B3GALT1: variants seen among roughly 807,000 people sequenced by gnomAD.
B3GALT1 encodes beta-1,3-galactosyltransferase 1.
In B3GALT1, 10 loss-of-function variants were observed where a neutral mutation model predicts 23.2. That is an observed-to-expected ratio of 0.43 (90% CI 0.27 to 0.73). The LOEUF is 0.73. B3GALT1 is among the 30% of genes least tolerant of loss of function. The probability of loss-of-function intolerance (pLI) is 0.21; values close to 1 mark genes in which losing one functional copy is unlikely to be tolerated. For synonymous variants in B3GALT1, 156 were observed against 141.5 expected, an observed-to-expected ratio of 1.10 and a Z score of -0.73; for missense variants, 299 against 405.4, an observed-to-expected ratio of 0.74 and a Z score of 2.25.
chr2:167,447,314 C>G (rs1008756711), intron 1 of B3GALT1, among the ~76,000 whole-genome samples: 1 of 152,190 alleles, frequency 6.6e-6, no homozygotes, highest in Non-Finnish European at 1.5e-5. Flanking sequence ...GGGTCAGGGA[C>G]CCACTTGAGG....
At chr2:167,832,494 A>T (rs955535225) in intron 4 of B3GALT1, among the ~76,000 whole-genome samples, 6 of 152,212 alleles carry the variant, frequency 3.9e-5, no homozygotes, top group African/African-American at 1.4e-4. Flanking sequence ...ATCCAAAGTT[A>T]TGAGAATCTC....
chr2:167,805,977 A>C (rs1688744440), intron 3 of B3GALT1, among the ~76,000 whole-genome samples: 2 of 141,664 alleles, frequency 1.4e-5, no homozygotes, highest in South Asian at 4.2e-4. Flanking sequence ...ATGTTCTTCC[A>C]TTTGTTTGTA....
rs564602573 is a variant in B3GALT1 at position 167,411,094 on chromosome 2, A to C, written c.-510-79083A>C. Among the ~76,000 whole-genome samples the C allele has an allele frequency of 2.3e-4, 35 of 152,218 alleles. 1 individual carries two copies. The South Asian group carries it at 6.4e-3, about 28-fold the overall frequency. On this transcript the variant is annotated intron_variant, in intron 1 of 4. Transcript: ENST00000392690. ...TCTACACAAGTGTTACAAAAAAAAA[A>C]AGTTGATTGAGGAAACATTCCAGAA...
chr2:167,629,912 A>C (rs746728519), intron 2 of B3GALT1, among the ~76,000 whole-genome samples: 2 of 151,822 alleles, frequency 1.3e-5, no homozygotes, highest in African/African-American at 2.4e-5. Flanking sequence ...AAATAATTAC[A>C]TGACTAACCA....
At chr2:167,520,344 A>G (rs1032425507) in intron 2 of B3GALT1, among the ~76,000 whole-genome samples, 16 of 152,130 alleles carry the variant, frequency 1.1e-4, no homozygotes, top group African/African-American at 3.4e-4. Context: ...AAGAATTCAG[A>G]AGAAGCCAAA....
Position 167,873,031 on chromosome 2 carries a change from T to C in B3GALT1, c.*3011T>C, listed in dbSNP as rs925528369. The C allele has an allele frequency of 3.3e-5, 5 of 152,216 alleles. No homozygotes were observed. Among genetic ancestry groups the C allele is most frequent in the African/African-American group, 4.8e-5 (2 of 41,448 alleles). 9.4% of individuals were successfully genotyped at this position (152,216 alleles called of 1,614,324 possible). ...AGAAAAAGCTCTAACTTTCGACTTT[T>C]GTTAATTTTATGACATGACACTGGC... On this transcript the variant is annotated 3_prime_UTR_variant, in exon 5 of 5. Transcript: ENST00000392690.
chr2:167,340,335 A>AAAAAAAAAAAAC (rs1553513212), intron 1 of B3GALT1, among the ~76,000 whole-genome samples: 1 of 140,640 alleles, frequency 7.1e-6, no homozygotes. Context: ...AAAAAAAAAA[A>AAAAAAAAAAAAC]CAGAGCTTTT....
intron 3 of B3GALT1, among the ~76,000 whole-genome samples, chr2:167,794,246 A>G (rs145386204): frequency 2.7e-4 from 41 of 152,320 alleles, no homozygotes; most frequent in Non-Finnish European, 4.0e-4. Context: ...CAGCTTTATT[A>G]TCACTGAATA....
chr2:167,395,442 A>G (rs1442740392), intron 1 of B3GALT1, among the ~76,000 whole-genome samples: 1 of 152,108 alleles, frequency 6.6e-6, no homozygotes, highest in African/African-American at 2.4e-5. Flanking sequence ...TGGAGAAAAG[A>G]ACCATAAGCC....
At chr2:167,461,788 A>G (rs1479639179) in intron 1 of B3GALT1, among the ~76,000 whole-genome samples, 2 of 152,202 alleles carry the variant, frequency 1.3e-5, no homozygotes, top group Admixed American at 6.5e-5. Flanking sequence ...TTACATAATT[A>G]TTTTAATCAC....
In B3GALT1 at chr2:167,346,096, T is replaced by C. The variant is rs151298573; in HGVS notation, c.-511+52762T>C. Among the ~76,000 whole-genome samples, 227 of 152,144 alleles carry C rather than the reference T, an allele frequency of 1.5e-3. 2 individuals are homozygous for C. The East Asian group carries it at 0.018, about 12-fold the overall frequency. The stretch of plus-strand genomic sequence containing the variant: ...GTAACTTAAAATGATATAGTAGTTA[T>C]ATATTTTAAATAAATATATTTTACA... On this transcript the variant is annotated intron_variant, in intron 1 of 4. Coordinates refer to ENST00000392690, the MANE Select transcript of B3GALT1 (RefSeq NM_020981.4).
At chr2:167,746,114 G>A (rs1039442445) in intron 3 of B3GALT1, among the ~76,000 whole-genome samples, 1 of 152,036 alleles carries the variant, frequency 6.6e-6, no homozygotes, top group African/African-American at 2.4e-5. Flanking sequence ...CAAAGGTAAA[G>A]GAGACAAATT....
At chr2:167,733,085 C>T (rs545059367) in intron 3 of B3GALT1, among the ~76,000 whole-genome samples, 1 of 152,256 alleles carries the variant, frequency 6.6e-6, no homozygotes, top group African/African-American at 2.4e-5. Flanking sequence ...TTATCTGTGA[C>T]CCCTGTGAGG....
chr2:167,571,908 TAGAA>T (rs1207456512), intron 2 of B3GALT1, among the ~76,000 whole-genome samples: 1 of 151,790 alleles, frequency 6.6e-6, no homozygotes, highest in African/African-American at 2.4e-5. Flanking sequence ...AAAGGAAGGA[TAGAA>T]AGAAAAGAAT....
At chr2:167,621,993 A>G (rs1685268541) in intron 2 of B3GALT1, among the ~76,000 whole-genome samples, 1 of 152,158 alleles carries the variant, frequency 6.6e-6, no homozygotes, top group Non-Finnish European at 1.5e-5. Flanking sequence ...CTTTATTAGC[A>G]GCATGAGAAT....
intron 1 of B3GALT1, among the ~76,000 whole-genome samples, chr2:167,378,748 T>C (rs1358861761): frequency 6.6e-6 from 1 of 152,200 alleles, no homozygotes. Flanking sequence ...TTTGTGTTGA[T>C]TTTCAACCTT....
intron 1 of B3GALT1, among the ~76,000 whole-genome samples, chr2:167,477,921 G>C (rs1179649606): frequency 6.6e-6 from 1 of 152,158 alleles, no homozygotes; most frequent in Non-Finnish European, 1.5e-5. Flanking sequence ...AAATACTAAC[G>C]ATGTATGAAT....
intron 2 of B3GALT1, among the ~76,000 whole-genome samples, chr2:167,511,184 C>T (rs1399269577): frequency 6.6e-6 from 1 of 152,120 alleles, no homozygotes; most frequent in Non-Finnish European, 1.5e-5. Flanking sequence ...TGTGTTCATT[C>T]ATCCATTAAG....
intron 3 of B3GALT1, among the ~76,000 whole-genome samples, chr2:167,692,889 CTGATGAGA>C (rs1686736390): frequency 6.6e-6 from 1 of 151,976 alleles, no homozygotes; most frequent in South Asian, 2.1e-4. Context: ...TGGGAGAAAA[CTGATGAGA>C]TGGGCTCTTC....
Sources: allele counts gnomAD v4.1 joint callset (sites outside exome capture counted in the v4.1 genomes callset), GRCh38; gene constraint gnomAD v4.1.1; transcripts MANE v1.5; gene names NCBI Gene and HGNC (gene_info 2026-07-23, HGNC 2026-07-21).